EVC2: variants seen among roughly 807,000 people sequenced by gnomAD.
EVC2 encodes the protein EvC ciliary complex subunit 2, also known as limbin.
A neutral mutation model predicts 149.3 loss-of-function variants in EVC2; 148 were observed. The ratio of observed to expected loss-of-function variants is 0.99; its 90% CI spans 0.87 to 1.14. The LOEUF is 1.14. Ranked by LOEUF, EVC2 falls within the 50% of genes most tolerant of loss-of-function variation. The pLI, the probability that EVC2 is intolerant of heterozygous loss-of-function variation, is 0.00. For synonymous variants in EVC2, 776 were observed against 649.9 expected (o/e 1.19, Z -2.95); for missense variants, 1,854 against 1,627.3 (o/e 1.14, Z -2.40).
Position 5,708,526 on chromosome 4 carries a change from C to T in EVC2, c.-13G>A. 7.0e-7 allele frequency: 1 copy of T among 1,438,310 alleles called. No individual in the cohort carries two copies. Among genetic ancestry groups the T allele is most frequent in the East Asian group, 2.9e-5 (1 of 33,978 alleles). The allele number at this position is 1,438,310 out of a possible 1,614,324, so 89.1% of individuals were successfully genotyped here. A position where few individuals can be genotyped will look rare whatever the true frequency, so the allele number is the denominator to read the frequency against. On this transcript the variant is annotated 5_prime_UTR_variant, in exon 1 of 22. Coordinates refer to ENST00000344408, the MANE Select transcript of EVC2 (RefSeq NM_147127.5). ...CCGAGGGGTCCATCGCCTGTCGGGACCCGCTACCTCAAAGCGGCGGGTGCC... is the reference window on the plus strand; with the variant it reads ...CCGAGGGGTCCATCGCCTGTCGGGATCCGCTACCTCAAAGCGGCGGGTGCC...
chr4:5,555,970 G>A (rs1721830779), intron 21 of EVC2, among the ~76,000 whole-genome samples: 1 of 151,830 alleles, frequency 6.6e-6, no homozygotes, highest in Non-Finnish European at 1.5e-5. Flanking sequence ...ACGAGGTCAG[G>A]AGTTCAAGAC....
intron 7 of EVC2, among the ~76,000 whole-genome samples, chr4:5,680,482 C>T (rs1233299587): frequency 6.6e-6 from 1 of 152,094 alleles, no homozygotes; most frequent in Non-Finnish European, 1.5e-5. Context: ...TTCATATATG[C>T]AGTCCACTGT....
intron 16 of EVC2, among the ~76,000 whole-genome samples, chr4:5,596,335 C>T (rs1295362810): frequency 6.6e-6 from 1 of 152,172 alleles, no homozygotes; most frequent in Non-Finnish European, 1.5e-5. Context: ...CTCTCCTCAG[C>T]AAATATAAAA....
chr4:5,590,506 A>G (rs906360840), intron 16 of EVC2, among the ~76,000 whole-genome samples: 1 of 151,436 alleles, frequency 6.6e-6, no homozygotes, highest in African/African-American at 2.5e-5. Context: ...CGCTAAACAG[A>G]AACCAGCTCT....
intron 16 of EVC2, among the ~76,000 whole-genome samples, chr4:5,610,717 G>A (rs556636932): frequency 6.6e-6 from 1 of 151,936 alleles, no homozygotes; most frequent in African/African-American, 2.4e-5. Context: ...GGGCTCACCT[G>A]CCTGGTTCAG....
chr4:5,708,126 G>T, intron 1 of EVC2, 160 bp downstream of exon 1: 1 of 569,770 alleles, frequency 1.8e-6, no homozygotes, highest in Non-Finnish European at 2.7e-6. Flanking sequence ...CTTTCTGGCC[G>T]TGAGCGGGAT....
intron 6 of EVC2, among the ~76,000 whole-genome samples, chr4:5,685,053 T>C (rs958543473): frequency 2.0e-5 from 3 of 152,218 alleles, no homozygotes; most frequent in East Asian, 3.8e-4. Flanking sequence ...TTAATAGTAA[T>C]GGTAACTACC....
At chr4:5,560,080 A>G (rs1332931244), downstream of EVC2, among the ~76,000 whole-genome samples, 1 of 151,638 alleles carries the variant, frequency 6.6e-6, no homozygotes, top group Non-Finnish European at 1.5e-5. This position sits in a 1 kb window ranked among gnomAD's most constrained non-coding sequence, Gnocchi z 4.1. Flanking sequence ...TTTTTGTGTT[A>G]GTCAACGCAA....
At chr4:5,605,470 A>G (rs543257022) in intron 16 of EVC2, among the ~76,000 whole-genome samples, 1 of 152,330 alleles carries the variant, frequency 6.6e-6, no homozygotes, top group Admixed American at 6.5e-5. Flanking sequence ...TCAGATAGAC[A>G]GATGACAGAT....
rs61458998 is a variant in EVC2 at position 5,566,175 on chromosome 4, G to C, written c.3558-816C>G. Among the ~76,000 whole-genome samples the C allele has an allele frequency of 3.7e-4, 56 of 152,348 alleles. 1 individual carries two copies. The East Asian group carries it at 9.3e-3, about 25-fold the overall frequency. On this transcript the variant is annotated intron_variant, in intron 20 of 21. Coordinates refer to ENST00000344408, the MANE Select transcript of EVC2 (RefSeq NM_147127.5). The stretch of plus-strand genomic sequence containing the variant: ...GGCAGGGAGCCCTAAAGCCATGAAG[G>C]TGCGTGGTCCTAGACTGAAGGAGAG...
chr4:5,580,852 G>A (rs1369598220), intron 17 of EVC2, among the ~76,000 whole-genome samples: 1 of 152,230 alleles, frequency 6.6e-6, no homozygotes, highest in African/African-American at 2.4e-5. Context: ...CTGCTGGAAG[G>A]TGACTGGATC....
In EVC2 at chr4:5,622,864, T is replaced by C. The variant is rs778935159; in HGVS notation, c.2174A>G (p.Gln725Arg). Residue 725 changes from glutamine to arginine, a missense_variant, in exon 14 of 22, where the codon CAG (glutamine) becomes CGG (arginine). Physicochemically the swap from Gln to Arg is conservative, Grantham distance 43. Coordinates refer to ENST00000344408, the MANE Select transcript of EVC2 (RefSeq NM_147127.5). The surrounding 1 kb of genome is among the most constrained non-coding windows in gnomAD (Gnocchi z 5.8). Reference sequence around the variant, plus strand: ...CAGGGCGGCCTGGTCCAGACGCTCCTGCAGCTCCTCCAGGGTGGCACCGTG... The same window carrying C: ...CAGGGCGGCCTGGTCCAGACGCTCCCGCAGCTCCTCCAGGGTGGCACCGTG... ...EEHGATLEEL[Q>R]ERLDQAALDD... The C allele has an allele frequency of 6.2e-7, 1 of 1,614,114 alleles. No individual in the cohort carries two copies. Among genetic ancestry groups the C allele is most frequent in the South Asian group, 1.1e-5 (1 of 91,072 alleles).
At chr4:5,687,197 C>T (rs563878981) in intron 5 of EVC2, among the ~76,000 whole-genome samples, 2 of 152,166 alleles carry the variant, frequency 1.3e-5, no homozygotes, top group East Asian at 1.9e-4. Context: ...GTGGAGGTTG[C>T]AGTGAGCCGA....
chr4:5,682,323 T>G (rs1002117275), intron 6 of EVC2, among the ~76,000 whole-genome samples: 2 of 151,206 alleles, frequency 1.3e-5, no homozygotes, highest in Non-Finnish European at 2.9e-5. Flanking sequence ...AAACCCCATC[T>G]CTACTAAAAA....
At chr4:5,624,283 T>A (rs1378946713) in intron 13 of EVC2, among the ~76,000 whole-genome samples, 2 of 152,326 alleles carry the variant, frequency 1.3e-5, no homozygotes, top group East Asian at 3.9e-4. Context: ...GAACATAAGA[T>A]GCTCTTCCAA....
In EVC2 at chr4:5,699,226, C is replaced by T. The variant is rs1050201296; in HGVS notation, c.229-1579G>A. On this transcript the variant is annotated intron_variant, in intron 1 of 21. Coordinates refer to ENST00000344408, the MANE Select transcript of EVC2 (RefSeq NM_147127.5). The stretch of plus-strand genomic sequence containing the variant: ...GGGAAGAGGGAAAATGGGTGCAGCT[C>T]GATCCAGACAGGCTTCTACCAAACC... Among the ~76,000 whole-genome samples the T allele has an allele frequency of 8.5e-5, 13 of 152,258 alleles. 3 individuals are homozygous for T. Among genetic ancestry groups the T allele is most frequent in the Admixed American group, 5.2e-4 (8 of 15,300 alleles).
downstream of EVC2, among the ~76,000 whole-genome samples, chr4:5,538,326 T>C (rs1475019465): frequency 1.3e-5 from 2 of 152,172 alleles, no homozygotes; most frequent in East Asian, 1.9e-4. Context: ...TAACTTTTAG[T>C]TTAAAATCTT....
intron 16 of EVC2, among the ~76,000 whole-genome samples, chr4:5,585,107 C>T (rs1416005284): frequency 6.6e-6 from 1 of 152,118 alleles, no homozygotes; most frequent in Non-Finnish European, 1.5e-5. Flanking sequence ...GAGCCCATTG[C>T]TCTCCTTCTG....
intron 7 of EVC2, 28 bp from the exon 8 acceptor site, chr4:5,665,677 C>A (rs1435383504): frequency 6.2e-7 from 1 of 1,612,422 alleles, no homozygotes; most frequent in East Asian, 2.2e-5. Context: ...GAGCAGGATT[C>A]ATGTGTGGTC....
Sources: allele counts gnomAD v4.1 joint callset (sites outside exome capture counted in the v4.1 genomes callset), GRCh38; gene constraint gnomAD v4.1.1; non-coding constraint Gnocchi (gnomAD v3.1); transcripts MANE v1.5; gene names NCBI Gene and HGNC (gene_info 2026-07-23, HGNC 2026-07-21).